The following ROBO1 variants were observed in gnomAD, a reference collection of about 807,000 sequenced individuals.
ROBO1 encodes roundabout homolog 1.
A neutral mutation model predicts 195.9 loss-of-function variants in ROBO1; 149 were observed. The ratio of observed to expected loss-of-function variants is 0.76; its 90% CI spans 0.67 to 0.87. The LOEUF (loss-of-function observed/expected upper bound fraction) is 0.87. ROBO1 is among the 40% of genes least tolerant of loss of function. The pLI, the probability that ROBO1 is intolerant of heterozygous loss-of-function variation, is 0.00. For synonymous variants in ROBO1, 816 were observed against 733.2 expected (o/e 1.11, Z -1.82); for missense variants, 1,933 against 2,068.3 (o/e 0.93, Z 1.27).
chr3:78,804,127 C>T (rs545653824), intron 4 of ROBO1, among the ~76,000 whole-genome samples: 2 of 152,238 alleles, frequency 1.3e-5, no homozygotes, highest in African/African-American at 2.4e-5. Flanking sequence ...CTATGAAATA[C>T]TCTTTAAAAA....
chr3:78,612,808 A>T (rs1007474147), intron 28 of ROBO1, among the ~76,000 whole-genome samples: 2 of 152,212 alleles, frequency 1.3e-5, no homozygotes, highest in Non-Finnish European at 2.9e-5. Context: ...TGGCTTTTAC[A>T]TTGCAGTATA....
chr3:78,925,904 T>C (rs2039187811), intron 4 of ROBO1, among the ~76,000 whole-genome samples: 1 of 151,732 alleles, frequency 6.6e-6, no homozygotes, highest in South Asian at 2.1e-4. Context: ...AGAGTATCGC[T>C]CTGTTGCCCA....
chr3:79,427,814 T>G (rs539902879), intron 2 of ROBO1, among the ~76,000 whole-genome samples: 1 of 152,182 alleles, frequency 6.6e-6, no homozygotes, highest in African/African-American at 2.4e-5. Flanking sequence ...ACATTTAAAT[T>G]TAACACTTCA....
At chr3:79,551,980 T>TA (rs771824432) in intron 2 of ROBO1, among the ~76,000 whole-genome samples, 523 of 44,244 alleles carry the variant, frequency 0.012, 46 homozygotes, top group Middle Eastern at 0.05. Flanking sequence ...TCTACAGAGT[T>TA]AAAAAAAAAA....
intron 2 of ROBO1, among the ~76,000 whole-genome samples, chr3:79,182,019 T>C (rs2081350534): frequency 1.3e-5 from 2 of 151,696 alleles, no homozygotes; most frequent in Non-Finnish European, 1.5e-5. Flanking sequence ...TAATGTGGTA[T>C]TGGAAATCAA....
intron 2 of ROBO1, among the ~76,000 whole-genome samples, chr3:79,238,903 G>A (rs115135910): frequency 0.019 from 2,895 of 152,252 alleles, 87 homozygotes; most frequent in African/African-American, 0.065. Context: ...TATTTTCAAA[G>A]CTTCTGCTCC....
intron 1 of ROBO1, among the ~76,000 whole-genome samples, chr3:79,698,886 G>T (rs1171238626): frequency 2.6e-5 from 4 of 151,440 alleles, no homozygotes; most frequent in Non-Finnish European, 5.9e-5. Flanking sequence ...TGTTGAAAGT[G>T]CTGATAAGCT....
At chr3:79,137,931 T>G (rs1303741338) in intron 2 of ROBO1, among the ~76,000 whole-genome samples, 1 of 152,046 alleles carries the variant, frequency 6.6e-6, no homozygotes, top group Non-Finnish European at 1.5e-5. Context: ...CTGAGGTCCA[T>G]TAAGCATATC....
intron 4 of ROBO1, among the ~76,000 whole-genome samples, chr3:78,797,685 T>C (rs1043415095): frequency 6.6e-6 from 1 of 152,172 alleles, no homozygotes; most frequent in Admixed American, 6.5e-5. Flanking sequence ...ACAACAGTAA[T>C]TAAGTAATTT....
chr3:79,765,464 A>T (rs957567144), intron 1 of ROBO1, among the ~76,000 whole-genome samples: 16 of 152,240 alleles, frequency 1.1e-4, no homozygotes, highest in African/African-American at 3.9e-4. Context: ...CCTTTAACAA[A>T]ATCAACATGA....
intron 1 of ROBO1, among the ~76,000 whole-genome samples, chr3:79,721,846 A>T (rs2107298980): frequency 6.6e-6 from 1 of 152,242 alleles, no homozygotes; most frequent in Non-Finnish European, 1.5e-5. Context: ...ACTTTCATTG[A>T]ATTCCCATTG....
At chr3:78,805,864 A>T (rs1559874906) in intron 4 of ROBO1, among the ~76,000 whole-genome samples, 1 of 152,136 alleles carries the variant, frequency 6.6e-6, no homozygotes, top group Non-Finnish European at 1.5e-5. Context: ...CCAGTGATAC[A>T]TTTGTGCTAA....
chr3:79,412,396 G>T (rs1391103599), intron 2 of ROBO1, among the ~76,000 whole-genome samples: 1 of 152,086 alleles, frequency 6.6e-6, no homozygotes, highest in Non-Finnish European at 1.5e-5. Flanking sequence ...ATAAGGAAAA[G>T]CTGTGATTTC....
chr3:79,482,509 C>T (rs1288509516), intron 2 of ROBO1, among the ~76,000 whole-genome samples: 2 of 152,130 alleles, frequency 1.3e-5, no homozygotes, highest in Non-Finnish European at 2.9e-5. Context: ...ACATCATTTA[C>T]TCTTCTGCCA....
chr3:79,667,910 T>A (rs963543547), intron 1 of ROBO1, among the ~76,000 whole-genome samples: 1 of 151,746 alleles, frequency 6.6e-6, no homozygotes, highest in East Asian at 1.9e-4. Context: ...CTGGAAAAAA[T>A]TTCACTTATA....
At chr3:79,506,294 A>C (rs1260465353) in intron 2 of ROBO1, among the ~76,000 whole-genome samples, 1 of 152,182 alleles carries the variant, frequency 6.6e-6, no homozygotes, top group Non-Finnish European at 1.5e-5. Context: ...ATGAATGTCA[A>C]ATCGTAAGAT....
chr3:79,452,835 G>C (rs936262596), intron 2 of ROBO1, among the ~76,000 whole-genome samples: 17 of 151,736 alleles, frequency 1.1e-4, no homozygotes, highest in Admixed American at 2.0e-4. Flanking sequence ...CTCTAGTCTT[G>C]GGGGAGAGAT....
intron 2 of ROBO1, among the ~76,000 whole-genome samples, chr3:79,288,013 C>T (rs985117286): frequency 3.9e-5 from 6 of 151,970 alleles, no homozygotes; most frequent in Non-Finnish European, 5.9e-5. Flanking sequence ...AAAAATACAG[C>T]TTAAATAGTA....
chr3:79,305,132 C>T (rs1168660481), intron 2 of ROBO1, among the ~76,000 whole-genome samples: 1 of 152,118 alleles, frequency 6.6e-6, no homozygotes, highest in African/African-American at 2.4e-5. Context: ...CAATCACTCA[C>T]CAACAAATTC....
Sources: gnomAD v4.1 joint callset for allele counts (sites outside exome capture counted in the v4.1 genomes callset) on GRCh38, gnomAD v4.1.1 for gene constraint, MANE v1.5 for transcripts, NCBI Gene and HGNC (gene_info 2026-07-23, HGNC 2026-07-21) for gene names.